Variants in CCDC148 observed in about 807,000 individuals in gnomAD.
The protein encoded by CCDC148 is coiled-coil domain-containing protein 148.
Under a neutral mutation model 85.7 loss-of-function variants are expected in CCDC148, and 89 were observed. That is an observed-to-expected ratio of 1.04 (90% CI 0.87 to 1.24). The LOEUF is 1.24. Ranked by LOEUF, CCDC148 falls within the 50% of genes most tolerant of loss-of-function variation. CCDC148 has a pLI of 0.00. For synonymous variants in CCDC148, 230 were observed against 213.9 expected (o/e 1.08, Z -0.66); for missense variants, 692 against 671.7 (o/e 1.03, Z -0.33).
In CCDC148 at chr2:158,338,831, G is replaced by A. The variant is rs1682523079; in HGVS notation, c.659C>T (p.Pro220Leu). Residue 220 changes from proline (P) to leucine (L), a missense_variant, in exon 7 of 14, where the codon CCA becomes CTA. Physicochemically the swap from Pro to Leu is moderately conservative, Grantham distance 98. Coordinates refer to ENST00000283233, the MANE Select transcript of CCDC148 (RefSeq NM_138803.4). ...AATTGAAGATTTCAAATCAGGGTAT[G>A]GGCATTCCAAACTTTCTAATTCAAT... ...LPIELESLEC[P>L]YPDLKSSILS... is the part of the protein sequence containing the mutation. 2.5e-6 allele frequency: 4 copies of A among 1,612,666 alleles called. No homozygotes were observed. Among genetic ancestry groups the A allele is most frequent in the Non-Finnish European group, 2.5e-6 (3 of 1,179,514 alleles).
At chr2:158,355,261 T>C (rs1288252341) in intron 2 of CCDC148, among the ~76,000 whole-genome samples, 2 of 152,080 alleles carry the variant, frequency 1.3e-5, no homozygotes, top group Non-Finnish European at 2.9e-5. Flanking sequence ...ATAAAGGATA[T>C]TCAATTAGGA....
rs755744012 is a variant in CCDC148, at chr2:158,333,176, C to A, written c.764+5550G>T. Among the ~76,000 whole-genome samples the A allele has an allele frequency of 1.2e-3, 186 of 152,286 alleles. 3 individuals are homozygous for A. Among genetic ancestry groups the A allele is most frequent in the East Asian group, 2.3e-3 (12 of 5,178 alleles). ...GGCATTTAGTGCTATAAATTTCCCT[C>A]TACACATTGCTTTAAATGTGTCCCA... On this transcript the variant is annotated intron_variant, in intron 7 of 13. Coordinates refer to ENST00000283233, the MANE Select transcript of CCDC148 (RefSeq NM_138803.4).
chr2:158,220,007 CCTAA>C (rs1012401544), intron 11 of CCDC148, among the ~76,000 whole-genome samples: 1 of 152,072 alleles, frequency 6.6e-6, no homozygotes, highest in Non-Finnish European at 1.5e-5. Context: ...CCTAATTGAC[CCTAA>C]CTGATACAGT....
chr2:158,253,554 T>C (rs1460283236), intron 9 of CCDC148, among the ~76,000 whole-genome samples: 1 of 151,764 alleles, frequency 6.6e-6, no homozygotes, highest in Non-Finnish European at 1.5e-5. Flanking sequence ...AATGTTGGTT[T>C]CCACTTAGAG....
chr2:158,438,206 G>C (rs999286452), intron 1 of CCDC148, among the ~76,000 whole-genome samples: 5 of 152,092 alleles, frequency 3.3e-5, no homozygotes, highest in Admixed American at 1.3e-4. Context: ...GAGGCATCAT[G>C]TTACCTGACT....
In CCDC148 at chr2:158,360,123, T is replaced by C. The variant is rs542974247; in HGVS notation, c.26-1553A>G. Among the ~76,000 whole-genome samples the C allele has an allele frequency of 5.3e-5, 8 of 152,358 alleles. No homozygotes were observed. The East Asian group carries it at 1.4e-3, about 26-fold the overall frequency. On this transcript the variant is annotated intron_variant, in intron 1 of 13. Transcript: ENST00000283233. ...ATCTGCTGTAGACAGACTACTTCTG[T>C]AGATTCCTCCTCTATGGGCAGGGAA...
At chr2:158,453,299 C>T (rs1688477454) in intron 1 of CCDC148, among the ~76,000 whole-genome samples, 1 of 152,090 alleles carries the variant, frequency 6.6e-6, no homozygotes, top group Non-Finnish European at 1.5e-5. Context: ...AGGGGGAAGG[C>T]CAGGAAACTT....
At chr2:158,180,452 T>G (rs1359559199) in intron 11 of CCDC148, among the ~76,000 whole-genome samples, 22 of 151,934 alleles carry the variant, frequency 1.4e-4, no homozygotes, top group Non-Finnish European at 5.9e-5. Context: ...CACTGCACTG[T>G]GGGAGGGGCT....
chr2:158,386,073 CA>C lies in CCDC148; in HGVS notation c.26-27504del, dbSNP rs373874674. On this transcript the variant is annotated intron_variant, in intron 1 of 13. Coordinates refer to ENST00000283233, the MANE Select transcript of CCDC148 (RefSeq NM_138803.4). ...GAGTATGGCTTTTGCTTGGTTTTAG[CA>C]ACAATATGAAGCATCCTAGAGAACA... 4.7e-3 allele frequency among the ~76,000 whole-genome samples: 708 copies of C among 152,050 alleles called. 1 individual carries two copies. Among genetic ancestry groups the C allele is most frequent in the African/African-American group, 0.016 (646 of 41,478 alleles).
At chr2:158,335,278 C>T (rs1421861440) in intron 7 of CCDC148, among the ~76,000 whole-genome samples, 2 of 152,192 alleles carry the variant, frequency 1.3e-5, no homozygotes, top group Non-Finnish European at 2.9e-5. Context: ...TAACAAAAGT[C>T]CTGAGCTTTG....
At chr2:158,211,164 T>C (rs564394598) in intron 11 of CCDC148, among the ~76,000 whole-genome samples, 1 of 151,234 alleles carries the variant, frequency 6.6e-6, no homozygotes, top group South Asian at 2.1e-4. Context: ...TGCACACATA[T>C]CCCAGAACTT....
At chr2:158,428,850 A>C (rs942917269) in intron 1 of CCDC148, among the ~76,000 whole-genome samples, 2 of 152,088 alleles carry the variant, frequency 1.3e-5, no homozygotes, top group African/African-American at 4.8e-5. Flanking sequence ...TGTTTATTGC[A>C]GCACTATTCA....
chr2:158,221,966 C>T (rs1687207053), intron 10 of CCDC148, among the ~76,000 whole-genome samples: 1 of 151,954 alleles, frequency 6.6e-6, no homozygotes, highest in African/African-American at 2.4e-5. Context: ...CTGATAAATG[C>T]CAGGGAATTC....
At chr2:158,304,313 A>G (rs1691582998) in intron 9 of CCDC148, among the ~76,000 whole-genome samples, 1 of 152,156 alleles carries the variant, frequency 6.6e-6, no homozygotes, top group Non-Finnish European at 1.5e-5. Context: ...TGTCCTAAGT[A>G]AGCTAGGCAG....
intron 7 of CCDC148, among the ~76,000 whole-genome samples, chr2:158,333,800 G>A (rs1693275608): frequency 6.6e-6 from 1 of 151,906 alleles, no homozygotes; most frequent in South Asian, 2.1e-4. Context: ...GATCTGCTTG[G>A]CTATTCTCTG....
rs115896820 is a variant in CCDC148 at position 158,217,895 on chromosome 2, T to C, written c.1370+2700A>G. On this transcript the variant is annotated intron_variant, in intron 11 of 13. Coordinates refer to ENST00000283233, the MANE Select transcript of CCDC148 (RefSeq NM_138803.4). ...AAATATCAAACATAAGGTTTATGAA[T>C]TGTATTTCAGTAGTACAGAAAAATG... Among the ~76,000 whole-genome samples the C allele has an allele frequency of 3.5e-3, 539 of 152,300 alleles. 2 individuals carry two copies. Among genetic ancestry groups the C allele is most frequent in the African/African-American group, 0.012 (513 of 41,560 alleles).
At chr2:158,341,297 G>T (rs1160673366) in intron 3 of CCDC148, among the ~76,000 whole-genome samples, 3 of 135,336 alleles carry the variant, frequency 2.2e-5, no homozygotes, top group Admixed American at 1.6e-4. Context: ...GTATACATAT[G>T]TGTACATACA....
At chr2:158,246,151 T>C (rs1348643312) in intron 10 of CCDC148, among the ~76,000 whole-genome samples, 1 of 152,142 alleles carries the variant, frequency 6.6e-6, no homozygotes, top group African/African-American at 2.4e-5. Context: ...GCACAGTTTC[T>C]CTGCCTCTAC....
chr2:158,183,556 A>G (rs543139665), intron 11 of CCDC148, among the ~76,000 whole-genome samples: 3 of 152,288 alleles, frequency 2.0e-5, no homozygotes, highest in African/African-American at 7.2e-5. Flanking sequence ...AAGTTCTACA[A>G]TTTAAAACAA....
Sources: allele counts gnomAD v4.1 joint callset (sites outside exome capture counted in the v4.1 genomes callset), GRCh38; gene constraint gnomAD v4.1.1; transcripts MANE v1.5; gene names NCBI Gene and HGNC (gene_info 2026-07-23, HGNC 2026-07-21).